The following AKAP13 variants were observed in gnomAD, a reference collection of about 807,000 sequenced individuals.
The protein encoded by AKAP13 is A-kinase anchor protein 13.
In AKAP13, 80 loss-of-function variants were observed where a neutral mutation model predicts 264.5. The observed-to-expected ratio is 0.30, with a 90% CI of 0.25 to 0.36. The LOEUF is 0.36. AKAP13 is among the 10% of genes least tolerant of loss of function. AKAP13 has a pLI of 1.00. For missense variants in AKAP13, 3,712 were observed against 3,435.2 expected (o/e 1.08, Z -2.01); for synonymous variants, 1,380 against 1,250.2 (o/e 1.10, Z -2.19).
intron 30 of AKAP13, among the ~76,000 whole-genome samples, chr15:85,732,504 A>G (rs1463148337): frequency 1.3e-5 from 2 of 149,926 alleles, no homozygotes; most frequent in Non-Finnish European, 3.0e-5. Flanking sequence ...TTAAATACCT[A>G]TTGAACATAA....
rs113766381 is a variant in AKAP13 at position 85,718,558 on chromosome 15, C to T, written c.6001+399C>T. On this transcript the variant is annotated intron_variant, in intron 22 of 36. Coordinates refer to ENST00000394518, the MANE Select transcript of AKAP13 (RefSeq NM_007200.5). The surrounding 1 kb of genome is among the most constrained non-coding windows in gnomAD (Gnocchi z 4.9). ...GTCATAATTTAAGACTGATGGAATC[C>T]GGGGTACCTATTATCAGAAAATAGG... 1.4e-3 allele frequency among the ~76,000 whole-genome samples: 216 copies of T among 152,124 alleles called. No individual in the cohort carries two copies. The highest frequency in any genetic ancestry group is 2.5e-3 in the South Asian group (12 of 4,812).
intron 33 of AKAP13, among the ~76,000 whole-genome samples, chr15:85,738,125 C>A (rs570746552): frequency 6.6e-6 from 1 of 151,882 alleles, no homozygotes; most frequent in East Asian, 1.9e-4. Context: ...GGGCCGGGCT[C>A]GGTGGCTCAC....
intron 8 of AKAP13, among the ~76,000 whole-genome samples, chr15:85,611,430 A>C (rs2080617841): frequency 6.6e-6 from 1 of 152,182 alleles, no homozygotes; most frequent in South Asian, 2.1e-4. Context: ...ACAGAAACCT[A>C]GTCCATCGTC....
At chr15:85,418,051 T>A (rs1298916818) in intron 1 of AKAP13, among the ~76,000 whole-genome samples, 1 of 143,996 alleles carries the variant, frequency 6.9e-6, no homozygotes, top group Non-Finnish European at 1.5e-5. Flanking sequence ...TCATTATTTA[T>A]TATTATTATT....
At chr15:85,460,358 A>C (rs919318329) in intron 1 of AKAP13, among the ~76,000 whole-genome samples, 1 of 152,134 alleles carries the variant, frequency 6.6e-6, no homozygotes, top group African/African-American at 2.4e-5. Context: ...CTCGCCCTGC[A>C]TTTTACCCAT....
At chr15:85,706,225 T>C (rs543614950) in intron 17 of AKAP13, among the ~76,000 whole-genome samples, 92 of 152,174 alleles carry the variant, frequency 6.0e-4, no homozygotes, top group African/African-American at 2.1e-3. Flanking sequence ...GAAAGGAGCA[T>C]GCCAGCTGCA....
intron 8 of AKAP13, among the ~76,000 whole-genome samples, chr15:85,598,999 A>C (rs2151356851): frequency 6.6e-6 from 1 of 152,338 alleles, no homozygotes; most frequent in Middle Eastern, 3.4e-3. Context: ...CCTCGTAGTC[A>C]ACACAATAGG....
rs987409962 is a variant in AKAP13, at chr15:85,718,793, G to T, written c.6002-283G>T. 5.5e-6 allele frequency: 2 copies of T among 361,764 alleles called. No individual in the cohort carries two copies. Among genetic ancestry groups the T allele is most frequent in the South Asian group, 5.5e-5 (2 of 36,478 alleles). 22.4% of individuals were successfully genotyped at this position (361,764 alleles called of 1,614,324 possible). On this transcript the variant is annotated intron_variant, in intron 22 of 36. Coordinates refer to ENST00000394518, the MANE Select transcript of AKAP13 (RefSeq NM_007200.5). This position sits in a 1 kb window ranked among gnomAD's most constrained non-coding sequence, Gnocchi z 4.9. ...CATGTACCTGCAGCCCCAGCTGCTCGAGAGGCTAAAGCAGAAAGATCGCTT... is the reference window on the plus strand; with the variant it reads ...CATGTACCTGCAGCCCCAGCTGCTCTAGAGGCTAAAGCAGAAAGATCGCTT...
At chr15:85,499,553 A>G (rs1482913729) in intron 2 of AKAP13, among the ~76,000 whole-genome samples, 1 of 152,224 alleles carries the variant, frequency 6.6e-6, no homozygotes, top group Non-Finnish European at 1.5e-5. Flanking sequence ...GTGCTGAGTC[A>G]TTGGTACTTC....
intron 13 of AKAP13, among the ~76,000 whole-genome samples, chr15:85,665,025 A>AC (rs1468465220): frequency 6.6e-6 from 1 of 151,484 alleles, no homozygotes; most frequent in Non-Finnish European, 1.5e-5. Context: ...ACATAGCAAG[A>AC]CCCCCCATCT....
intron 1 of AKAP13, among the ~76,000 whole-genome samples, chr15:85,477,621 C>G (rs2075211422): frequency 8.9e-6 from 1 of 112,810 alleles, no homozygotes; most frequent in Admixed American, 1.2e-4. Flanking sequence ...GAAATTTGAA[C>G]TGAGCTTAAA....
chr15:85,437,825 T>C (rs2073388242), intron 1 of AKAP13, among the ~76,000 whole-genome samples: 1 of 152,018 alleles, frequency 6.6e-6, no homozygotes, highest in African/African-American at 2.4e-5. Flanking sequence ...TTCAAAATAA[T>C]AAGAGCTATC....
chr15:85,405,821 C>CTACT (rs1227281876), intron 1 of AKAP13, among the ~76,000 whole-genome samples: 1 of 152,144 alleles, frequency 6.6e-6, no homozygotes, highest in African/African-American at 2.4e-5. Context: ...GCATGTCATA[C>CTACT]TACTGGTAGA....
chr15:85,384,712 G>T (rs1243120890), intron 1 of AKAP13, among the ~76,000 whole-genome samples: 3 of 134,398 alleles, frequency 2.2e-5, no homozygotes, highest in African/African-American at 2.7e-5. Context: ...GCGAGACTCC[G>T]TCTGAAAAAA....
In AKAP13 at chr15:85,486,739, CTTTTT is replaced by C. The variant is rs562767898; in HGVS notation, c.33+1000_33+1004del. 3.1e-4 allele frequency among the ~76,000 whole-genome samples: 36 copies of C among 115,650 alleles called. 1 individual carries two copies. Among genetic ancestry groups the C allele is most frequent in the African/African-American group, 7.7e-4 (23 of 29,748 alleles). 75.9% of individuals were successfully genotyped at this position (115,650 alleles called of 152,430 possible). A position where few individuals can be genotyped will look rare whatever the true frequency, so the allele number is the denominator to read the frequency against. On this transcript the variant is annotated intron_variant, in intron 2 of 36. Transcript: ENST00000394518. ...ATTTTGTTATCTTAATTGTTCAGTT[CTTTTT>C]TTTTTTTTTTTTTGGATGGAGTCTG...
chr15:85,462,448 G>C (rs963802705), intron 1 of AKAP13, among the ~76,000 whole-genome samples: 1 of 152,120 alleles, frequency 6.6e-6, no homozygotes, highest in Non-Finnish European at 1.5e-5. Context: ...AAAACAAAAA[G>C]TCAGGATTCT....
chr15:85,502,904 A>G (rs1441510800), intron 2 of AKAP13, among the ~76,000 whole-genome samples: 1 of 152,242 alleles, frequency 6.6e-6, no homozygotes, highest in Non-Finnish European at 1.5e-5. Flanking sequence ...GTAAAACCAA[A>G]AAGTAATCAA....
Position 85,730,727 on chromosome 15 carries a change from GC to G in AKAP13, c.7282+25del, listed in dbSNP as rs1392503572. The G allele has an allele frequency of 1.3e-6, 2 of 1,595,342 alleles. No homozygotes were observed. Among genetic ancestry groups the G allele is most frequent in the Non-Finnish European group, 1.7e-6 (2 of 1,166,144 alleles). On this transcript the variant is annotated intron_variant, in intron 30 of 36. Coordinates refer to ENST00000394518, the MANE Select transcript of AKAP13 (RefSeq NM_007200.5). ...ATGAGGGTAATTAACATTCAGCATT[GC>G]CCCCTCTTCATCTACTCCCAGAGTG...
At chr15:85,606,112 T>TTTTTTTTTTG (rs1384961300) in intron 8 of AKAP13, among the ~76,000 whole-genome samples, 1 of 130,496 alleles carries the variant, frequency 7.7e-6, no homozygotes. Flanking sequence ...TTTTTTTTTT[T>TTTTTTTTTTG]TTTTGTTGAG....
Sources: allele counts gnomAD v4.1 joint callset (sites outside exome capture counted in the v4.1 genomes callset), GRCh38; gene constraint gnomAD v4.1.1; non-coding constraint Gnocchi (gnomAD v3.1); transcripts MANE v1.5; gene names NCBI Gene and HGNC (gene_info 2026-07-23, HGNC 2026-07-21).